Variants in WBP1L observed in about 807,000 individuals in gnomAD.
WBP1L encodes the protein WW domain binding protein 1-like.
In WBP1L, 17 loss-of-function variants were observed where a neutral mutation model predicts 33.7. That is an observed-to-expected ratio of 0.50 (90% CI 0.34 to 0.76). WBP1L has a LOEUF of 0.76. Among genes scored for constraint, WBP1L ranks in the 30% least tolerant of loss-of-function variants. The probability of loss-of-function intolerance (pLI) is 0.01; values close to 1 mark genes in which losing one functional copy is unlikely to be tolerated. For synonymous variants in WBP1L, 173 were observed against 190.8 expected, an observed-to-expected ratio of 0.91 and a Z score of 0.77; for missense variants, 389 against 469.4, an observed-to-expected ratio of 0.83 and a Z score of 1.58.
intron 1 of WBP1L, among the ~76,000 whole-genome samples, chr10:102,754,425 G>T (rs547720309): frequency 1.3e-5 from 2 of 152,218 alleles, no homozygotes; most frequent in South Asian, 4.1e-4. Context: ...TGGAGATGAA[G>T]TCTTGCTCTG....
chr10:102,779,803 G>C (rs61870779), intron 1 of WBP1L, among the ~76,000 whole-genome samples: 1 of 152,254 alleles, frequency 6.6e-6, no homozygotes, highest in Non-Finnish European at 1.5e-5. Context: ...AGAGCAGAGC[G>C]TGGGGGCAGG....
rs960558576 is a variant in WBP1L, at chr10:102,813,831, T to C, written c.*500T>C. ...CCAGGGCTTGTCATTGGGCTGCCAG[T>C]GTCTGCCAAGCCAGCATTGAGCTAA... On this transcript the variant is annotated 3_prime_UTR_variant, in exon 4 of 4. Transcript: ENST00000448841. The C allele has an allele frequency of 1.3e-5, 2 of 157,936 alleles. No individual in the cohort carries two copies. Among genetic ancestry groups the C allele is most frequent in the African/African-American group, 4.8e-5 (2 of 41,532 alleles). The allele number at this position is 157,936 out of a possible 1,614,324, so 9.8% of individuals were successfully genotyped here. A position where few individuals can be genotyped will look rare whatever the true frequency, so the allele number is the denominator to read the frequency against.
chr10:102,756,618 G>A (rs1342527684), intron 1 of WBP1L, among the ~76,000 whole-genome samples: 3 of 152,172 alleles, frequency 2.0e-5, no homozygotes, highest in Non-Finnish European at 2.9e-5. Context: ...ACAGTGCTAC[G>A]TTGAACATTG....
chr10:102,768,323 C>T (rs1564757930), intron 1 of WBP1L, among the ~76,000 whole-genome samples: 5 of 150,812 alleles, frequency 3.3e-5, no homozygotes, highest in Admixed American at 2.0e-4. Context: ...TTCCACCCAC[C>T]TTGGCTTCCT....
At chr10:102,751,322 C>CT (rs71019611) in intron 1 of WBP1L, among the ~76,000 whole-genome samples, 105,753 of 141,448 alleles carry the variant, frequency 0.75, 39,434 homozygotes, top group Non-Finnish European at 0.77. Flanking sequence ...TTTTTCTTTC[C>CT]TTTTTTTTTT....
Position 102,776,289 on chromosome 10 carries a change from G to A in WBP1L, c.91-21704G>A, listed in dbSNP as rs961499138. 32 of 1,610,816 alleles carry A rather than the reference G, an allele frequency of 2.0e-5. No homozygotes were observed. In the African/African-American group the frequency reaches 4.3e-4, roughly 22 times the overall value. ...TTGCTAAAGAAGGCCGGTGAACCAG[G>A]ACCACCGCACACACAGGCCCACCAG... On this transcript the variant is annotated intron_variant, in intron 1 of 3. Transcript: ENST00000448841.
intron 1 of WBP1L, among the ~76,000 whole-genome samples, chr10:102,747,076 GAAA>G (rs1302618054): frequency 6.6e-6 from 1 of 152,034 alleles, no homozygotes; most frequent in Non-Finnish European, 1.5e-5. Context: ...TATAAAGAAT[GAAA>G]AAGGCTGGGC....
At chr10:102,782,255 T>G (rs1395862482) in intron 1 of WBP1L, among the ~76,000 whole-genome samples, 1 of 146,680 alleles carries the variant, frequency 6.8e-6, no homozygotes, top group African/African-American at 2.6e-5. Context: ...CGTGGCTTGT[T>G]TTTCATTGCA....
chr10:102,768,578 A>T (rs534348693), intron 1 of WBP1L, among the ~76,000 whole-genome samples: 1 of 49,164 alleles, frequency 2.0e-5, no homozygotes, highest in African/African-American at 1.0e-4. Flanking sequence ...TTTAGTAGAG[A>T]CGGGGTTTCA....
At chr10:102,802,736 TC>T (rs1452503318) in intron 2 of WBP1L, among the ~76,000 whole-genome samples, 1 of 152,188 alleles carries the variant, frequency 6.6e-6, no homozygotes, top group Non-Finnish European at 1.5e-5. Flanking sequence ...CCTCAAGTGA[TC>T]CACCTGCCTC....
chr10:102,776,453 A>G, intron 1 of WBP1L: 1 of 1,613,956 alleles, frequency 6.2e-7, no homozygotes. Context: ...TTGGAAGGGA[A>G]GAAGGGGTGG....
chr10:102,766,599 G>T (rs1193467673), intron 1 of WBP1L, among the ~76,000 whole-genome samples: 1 of 151,772 alleles, frequency 6.6e-6, no homozygotes, highest in Non-Finnish European at 1.5e-5. Context: ...GTCCAGCTTG[G>T]GTGACAGAGC....
intron 1 of WBP1L, among the ~76,000 whole-genome samples, chr10:102,770,619 G>T (rs2134038105): frequency 6.6e-6 from 1 of 151,878 alleles, no homozygotes; most frequent in South Asian, 2.1e-4. Flanking sequence ...TGGATCTGTT[G>T]TGCATTAGGA....
intron 1 of WBP1L, among the ~76,000 whole-genome samples, chr10:102,760,373 TTTC>T (rs201080127): frequency 0.23 from 24,558 of 108,232 alleles, 2,726 homozygotes; most frequent in East Asian, 0.45. Flanking sequence ...TCTTTCTTTC[TTTC>T]TTTTTTTTTT....
In WBP1L at chr10:102,813,520, C is replaced by T. The variant is rs1022059580; in HGVS notation, c.*189C>T. ...CAGTTCGGGGTGTGGATGCCTCTTC[C>T]TCCACAAGGGCACAGTGTTGTGGAG... is the stretch of plus-strand genomic sequence containing the variant. On this transcript the variant is annotated 3_prime_UTR_variant, in exon 4 of 4. Transcript: ENST00000448841. 9.3e-6 allele frequency: 7 copies of T among 752,070 alleles called. No individual in the cohort carries two copies. The highest frequency in any genetic ancestry group is 7.7e-4 in the Middle Eastern group (2 of 2,588). The allele number at this position is 752,070 out of a possible 1,614,324, so 46.6% of individuals were successfully genotyped here.
At chr10:102,770,357 C>G (rs1843171698) in intron 1 of WBP1L, among the ~76,000 whole-genome samples, 3 of 152,190 alleles carry the variant, frequency 2.0e-5, no homozygotes, top group Admixed American at 2.0e-4. Flanking sequence ...CCAGCAGCCT[C>G]TGCTCAAAGC....
intron 1 of WBP1L, among the ~76,000 whole-genome samples, chr10:102,764,621 G>C (rs560181010): frequency 2.6e-5 from 4 of 152,208 alleles, no homozygotes; most frequent in Admixed American, 1.3e-4. Context: ...CATTTTACTT[G>C]GGGTGTGGAC....
intron 1 of WBP1L, among the ~76,000 whole-genome samples, chr10:102,783,172 C>G (rs1425415461): frequency 2.0e-5 from 3 of 152,188 alleles, no homozygotes; most frequent in Non-Finnish European, 2.9e-5. Context: ...AACATACAGT[C>G]ATTCCTGCGT....
At chr10:102,797,941 A>G in intron 1 of WBP1L, 52 bp from the exon 2 acceptor site, 1 of 1,487,526 alleles carries the variant, frequency 6.7e-7, no homozygotes, top group Non-Finnish European at 9.4e-7. Context: ...TGAGAAGGAA[A>G]GTGTTCAAAA....
Sources: allele counts gnomAD v4.1 joint callset (sites outside exome capture counted in the v4.1 genomes callset), GRCh38; gene constraint gnomAD v4.1.1; transcripts MANE v1.5; gene names NCBI Gene and HGNC (gene_info 2026-07-23, HGNC 2026-07-21).